TMPRSS11A: variants seen among roughly 807,000 people sequenced by gnomAD.
TMPRSS11A encodes the protein transmembrane protease serine 11A.
Under a neutral mutation model 58.9 loss-of-function variants are expected in TMPRSS11A, and 53 were observed. The observed-to-expected ratio is 0.90, with a 90% CI of 0.72 to 1.13. TMPRSS11A has a LOEUF of 1.13. Ranked by LOEUF, TMPRSS11A falls within the 50% of genes most tolerant of loss-of-function variation. The pLI is 0.00. For synonymous variants in TMPRSS11A, 167 were observed against 169.8 expected (o/e 0.98, Z 0.13); for missense variants, 493 against 499.3 (o/e 0.99, Z 0.12).
chr4:67,912,914 T>C (rs533189280), intron 9 of TMPRSS11A, among the ~76,000 whole-genome samples: 1 of 152,302 alleles, frequency 6.6e-6, no homozygotes, highest in East Asian at 1.9e-4. Flanking sequence ...TTTTCAGAGC[T>C]CCTATTCATT....
At chr4:67,932,118 A>G (rs937521101) in intron 3 of TMPRSS11A, 58 bp from the exon 4 acceptor site, 2 of 984,206 alleles carry the variant, frequency 2.0e-6, no homozygotes, top group African/African-American at 3.3e-5. Flanking sequence ...ATAGGAATAT[A>G]TCCTTGATTA....
At chr4:67,929,836 A>G in intron 5 of TMPRSS11A, 44 bp downstream of exon 5, 1 of 1,471,510 alleles carries the variant, frequency 6.8e-7, no homozygotes, top group South Asian at 1.4e-5. Context: ...CAAAACATGG[A>G]CCTAATAGAC....
chr4:67,932,026 T>C lies in TMPRSS11A; in HGVS notation c.287A>G (p.Lys96Arg). Residue 96 changes from lysine (K) to arginine (R), a missense_variant, in exon 4 of 10, where the codon AAA becomes AGA. Physicochemically the swap from Lys to Arg is conservative, Grantham distance 26. Coordinates refer to ENST00000508048, the MANE Select transcript of TMPRSS11A (RefSeq NM_001114387.2). ...GACTACTTGGTTCTTGATATAATTT[T>C]TCTTCCAGGCTGAATCTATAAATAT... ...DEIFIDSAWK[K>R]NYIKNQVVRL... 6.2e-7 allele frequency: 1 copy of C among 1,605,036 alleles called. No homozygotes were observed. The highest frequency in any genetic ancestry group is 8.5e-7 in the Non-Finnish European group (1 of 1,171,998).
intron 1 of TMPRSS11A, among the ~76,000 whole-genome samples, chr4:67,952,742 A>G (rs73823383): frequency 0.014 from 2,067 of 152,264 alleles, 55 homozygotes; most frequent in African/African-American, 0.047. Context: ...TATTCTCTAT[A>G]TGTTTTAATT....
At position 67,922,946 on chromosome 4, in the gene TMPRSS11A, T is replaced by C. The variant is rs1240241465; in HGVS notation, c.521-20A>G. 3.1e-6 allele frequency: 5 copies of C among 1,612,134 alleles called. No homozygotes were observed. The African/African-American group carries it at 5.3e-5, about 17-fold the overall frequency. On this transcript the variant is annotated intron_variant, in intron 6 of 9. Coordinates refer to ENST00000508048, the MANE Select transcript of TMPRSS11A (RefSeq NM_001114387.2). ...CACAACCTGAAAAAAGATGAGATCA[T>C]TAAGTTATAAGAAACATCTTGTAAT...
chr4:67,911,430 C>A lies in TMPRSS11A; in HGVS notation c.1169G>T (p.Gly390Val), dbSNP rs1248646800. 11 of 1,613,550 alleles carry A rather than the reference C, an allele frequency of 6.8e-6. No homozygotes were observed. The highest frequency in any genetic ancestry group is 2.7e-5 in the African/African-American group (2 of 75,006). ...CTTGTCCTTTTGACCACAGTTATCT[C>A]CCCAGCTTACAATTCCAATGAGATA... ...TWYLIGIVSWGDNCGQKDKPG... is the reference protein window; with the variant it reads ...TWYLIGIVSWVDNCGQKDKPG... Residue 390 changes from glycine to valine, a missense_variant, in exon 10 of 10, where the codon GGA (glycine) becomes GTA (valine). Gly to Val is a moderately radical substitution (Grantham distance 109, BLOSUM62 -3). Coordinates refer to ENST00000508048, the MANE Select transcript of TMPRSS11A (RefSeq NM_001114387.2).
intron 3 of TMPRSS11A, among the ~76,000 whole-genome samples, chr4:67,937,096 T>G (rs1720772245): frequency 1.3e-5 from 2 of 152,368 alleles, no homozygotes; most frequent in South Asian, 4.1e-4. Context: ...CTGTATTTGC[T>G]GAATGATGAT....
intron 1 of TMPRSS11A, among the ~76,000 whole-genome samples, chr4:67,958,243 C>T (rs998441444): frequency 1.3e-5 from 2 of 152,176 alleles, no homozygotes; most frequent in African/African-American, 2.4e-5. Context: ...CTCCAGACCC[C>T]AGAATGGTAG....
At chr4:67,939,939 A>G (rs1331782904) in intron 3 of TMPRSS11A, among the ~76,000 whole-genome samples, 2 of 152,012 alleles carry the variant, frequency 1.3e-5, no homozygotes, top group African/African-American at 4.8e-5. Context: ...TTTGCCCACC[A>G]TGGTCTCCCA....
At chr4:67,953,382 C>T (rs1165758354) in intron 1 of TMPRSS11A, among the ~76,000 whole-genome samples, 1 of 152,108 alleles carries the variant, frequency 6.6e-6, no homozygotes, top group Admixed American at 6.5e-5. Flanking sequence ...ACTAATACAA[C>T]CCCAGGGCCT....
At chr4:67,952,230 C>T (rs1193801097) in intron 1 of TMPRSS11A, among the ~76,000 whole-genome samples, 2 of 152,194 alleles carry the variant, frequency 1.3e-5, no homozygotes, top group African/African-American at 4.8e-5. Context: ...ATAACTTGCT[C>T]AATTCATGCA....
rs144079053 is a variant in TMPRSS11A at position 67,926,953 on chromosome 4, C to A, written c.482-2787G>T. On this transcript the variant is annotated intron_variant, in intron 5 of 9. Coordinates refer to ENST00000508048, the MANE Select transcript of TMPRSS11A (RefSeq NM_001114387.2). ...AAAGCTGAACACTCAACAGGACAACCTGCCTGCAGAGAGGAGCTTCTACCT... is the reference window on the plus strand; with the variant it reads ...AAAGCTGAACACTCAACAGGACAACATGCCTGCAGAGAGGAGCTTCTACCT... 2.4e-4 allele frequency among the ~76,000 whole-genome samples: 36 copies of A among 152,308 alleles called. No individual in the cohort carries two copies. In the East Asian group the frequency reaches 7.0e-3, roughly 29 times the overall value.
At chr4:67,922,057 C>T in intron 7 of TMPRSS11A, among the ~76,000 whole-genome samples, 1 of 152,140 alleles carries the variant, frequency 6.6e-6, no homozygotes, top group East Asian at 1.9e-4. Context: ...TATAGGATAG[C>T]ACAATTTGCT....
At chr4:67,915,898 T>A (rs1720131220) in intron 8 of TMPRSS11A, among the ~76,000 whole-genome samples, 1 of 152,250 alleles carries the variant, frequency 6.6e-6, no homozygotes, top group Non-Finnish European at 1.5e-5. Flanking sequence ...CTGTTTTAAC[T>A]GTTTGTGATT....
At chr4:67,912,137 C>A (rs1044421112) in intron 9 of TMPRSS11A, among the ~76,000 whole-genome samples, 3 of 151,814 alleles carry the variant, frequency 2.0e-5, no homozygotes, top group African/African-American at 7.2e-5. Context: ...CTCTTTTTTT[C>A]ATGTGGATAG....
Position 67,919,213 on chromosome 4 carries a change from A to G in TMPRSS11A, c.712T>C (p.Trp238Arg). The change falls in exon 8 of 10, where the codon TGG becomes CGG. Residue 238 changes from tryptophan to arginine, a missense_variant. Physicochemically the swap from Trp to Arg is moderately radical, Grantham distance 101. Coordinates refer to ENST00000508048, the MANE Select transcript of TMPRSS11A (RefSeq NM_001114387.2). Reference protein sequence around the residue: ...CFQKYKNPHQWTVSFGTKINP... With the variant: ...CFQKYKNPHQRTVSFGTKINP... Reference sequence around the variant, plus strand: ...ATTTTTGTTCCAAAACTAACAGTCCATTGATGTGGATTTTTATACCTGGAA... The same window carrying G: ...ATTTTTGTTCCAAAACTAACAGTCCGTTGATGTGGATTTTTATACCTGGAA... The G allele has an allele frequency of 1.2e-6, 2 of 1,613,970 alleles. No individual in the cohort carries two copies. Among genetic ancestry groups the G allele is most frequent in the Non-Finnish European group, 1.7e-6 (2 of 1,179,886 alleles).
At chr4:67,948,989 G>A (rs140526857) in intron 1 of TMPRSS11A, among the ~76,000 whole-genome samples, 30 of 151,998 alleles carry the variant, frequency 2.0e-4, no homozygotes, top group African/African-American at 6.3e-4. Flanking sequence ...TATCATTTAT[G>A]TATTAATCTA....
Position 67,911,295 on chromosome 4 carries a change from C to T in TMPRSS11A, c.*47G>A, listed in dbSNP as rs1382792766. 6.4e-7 allele frequency: 1 copy of T among 1,561,638 alleles called. No individual in the cohort carries two copies. Among genetic ancestry groups the T allele is most frequent in the Admixed American group, 1.7e-5 (1 of 57,578 alleles). ...CCCACTAAATAGTTGAATTCTCATG[C>T]ATATATGACCTGCATACAGCTTTCT... On this transcript the variant is annotated 3_prime_UTR_variant, in exon 10 of 10. Transcript: ENST00000508048.
At chr4:67,947,842 C>T (rs1721063599) in intron 1 of TMPRSS11A, among the ~76,000 whole-genome samples, 1 of 152,130 alleles carries the variant, frequency 6.6e-6, no homozygotes, top group Non-Finnish European at 1.5e-5. Flanking sequence ...GGCACCTGGA[C>T]AGAGTAGGAA....
Sources: allele counts gnomAD v4.1 joint callset (sites outside exome capture counted in the v4.1 genomes callset), GRCh38; gene constraint gnomAD v4.1.1; transcripts MANE v1.5; gene names NCBI Gene and HGNC (gene_info 2026-07-23, HGNC 2026-07-21).